Variants in DDX19B observed in about 807,000 individuals in gnomAD.
The protein encoded by DDX19B is ATP-dependent RNA helicase DDX19B.
Under a neutral mutation model 58.1 loss-of-function variants are expected in DDX19B, and 27 were observed. That is an observed-to-expected ratio of 0.46 (90% CI 0.34 to 0.64). The LOEUF is 0.64. Among genes scored for constraint, DDX19B ranks in the 30% least tolerant of loss-of-function variants. The pLI is 0.01. For missense variants in DDX19B, 399 were observed against 596.5 expected (o/e 0.67, Z 3.45); for synonymous variants, 187 against 214.4 (o/e 0.87, Z 1.12).
chr16:70,293,432 A>G (rs1411943119), upstream of DDX19B, among the ~76,000 whole-genome samples: 1 of 151,486 alleles, frequency 6.6e-6, no homozygotes, highest in African/African-American at 2.4e-5. Flanking sequence ...GAAAAAAAAA[A>G]GAAAGAAATG....
At chr16:70,290,206 C>T (rs1961024913), upstream of DDX19B, among the ~76,000 whole-genome samples, 1 of 151,966 alleles carries the variant, frequency 6.6e-6, no homozygotes, top group African/African-American at 2.4e-5. Context: ...AGTTGGAGAC[C>T]AGCCTGGTCA....
intron 5 of DDX19B, among the ~76,000 whole-genome samples, chr16:70,323,182 C>T (rs1380726965): frequency 6.6e-6 from 1 of 151,922 alleles, no homozygotes; most frequent in East Asian, 1.9e-4. Flanking sequence ...AGCCTGCAAC[C>T]TCCACCCTCC....
chr16:70,310,321 C>T (rs1962016550), intron 1 of DDX19B, among the ~76,000 whole-genome samples: 1 of 151,052 alleles, frequency 6.6e-6, no homozygotes, highest in Non-Finnish European at 1.5e-5. Context: ...GCGGAGGTTG[C>T]AGTGATCTGA....
chr16:70,309,750 G>A (rs757390404), intron 1 of DDX19B, among the ~76,000 whole-genome samples: 4 of 135,808 alleles, frequency 2.9e-5, no homozygotes, highest in East Asian at 4.5e-4. Flanking sequence ...CCCAGGAGGC[G>A]GAGGTTGCAG....
At chr16:70,291,611 C>T (rs1193042783), upstream of DDX19B, among the ~76,000 whole-genome samples, 1 of 151,628 alleles carries the variant, frequency 6.6e-6, no homozygotes, top group Non-Finnish European at 1.5e-5. Context: ...AGATTGAGAC[C>T]ATCCTGGCTA....
At chr16:70,331,007 C>T (rs2152214877) in intron 9 of DDX19B, among the ~76,000 whole-genome samples, 1 of 151,894 alleles carries the variant, frequency 6.6e-6, no homozygotes, top group East Asian at 1.9e-4. Flanking sequence ...ACTGTGCACT[C>T]CAGAGTGGGC....
chr16:70,312,493 A>T, intron 1 of DDX19B, 116 bp from the exon 2 acceptor site: 1 of 890,292 alleles, frequency 1.1e-6, no homozygotes, highest in South Asian at 1.5e-5. Flanking sequence ...GTCCTAATGA[A>T]TATACCTTGA....
chr16:70,292,927 GA>G (rs1961097196), upstream of DDX19B, among the ~76,000 whole-genome samples: 1 of 152,018 alleles, frequency 6.6e-6, no homozygotes, highest in Non-Finnish European at 1.5e-5. Flanking sequence ...TCAACCTGGT[GA>G]AACCCCATCT....
chr16:70,331,224 T>C (rs1272021765), intron 9 of DDX19B, among the ~76,000 whole-genome samples: 1 of 152,100 alleles, frequency 6.6e-6, no homozygotes, highest in Non-Finnish European at 1.5e-5. Flanking sequence ...TTTATTTTTA[T>C]TTTTGTAGAG....
At chr16:70,309,362 G>A (rs570164437) in intron 1 of DDX19B, among the ~76,000 whole-genome samples, 51 of 151,416 alleles carry the variant, frequency 3.4e-4, no homozygotes, top group African/African-American at 1.2e-3. Flanking sequence ...GGGCATGGTG[G>A]CAGGCGCCTG....
intron 1 of DDX19B, among the ~76,000 whole-genome samples, chr16:70,304,373 T>C (rs1220567755): frequency 7.5e-6 from 1 of 133,366 alleles, no homozygotes; most frequent in Non-Finnish European, 1.6e-5. Context: ...CAGAGATGTC[T>C]TTTTTTTTTT....
chr16:70,321,808 C>T (rs1269041106), intron 5 of DDX19B, among the ~76,000 whole-genome samples: 1 of 151,802 alleles, frequency 6.6e-6, no homozygotes, highest in Non-Finnish European at 1.5e-5. Context: ...CCGAGGCAGG[C>T]AGATCATTTG....
intron 5 of DDX19B, among the ~76,000 whole-genome samples, chr16:70,320,627 A>C (rs1185830293): frequency 2.0e-5 from 3 of 150,384 alleles, no homozygotes; most frequent in Non-Finnish European, 4.4e-5. Context: ...GGCTCACTGT[A>C]ACCACCACCT....
In DDX19B at chr16:70,317,496, G is replaced by A. The variant is rs1962496705; in HGVS notation, c.297G>A (p.Leu99=). ...CTTTCATCTTTAACTGTTTTTCTAG[G>A]AAACCACAGCTTCTCCAAGGAGTCT... ...YSVKSFEELR[L]KPQLLQGVYA... is the part of the protein sequence containing the mutation. Residue 99 remains leucine, a splice_region_variant and synonymous_variant, in exon 5 of 12, where the codon CTG becomes CTA. Transcript: ENST00000288071. The A allele has an allele frequency of 6.2e-7, 1 of 1,609,140 alleles. No homozygotes were observed. The highest frequency in any genetic ancestry group is 8.5e-7 in the Non-Finnish European group (1 of 1,177,794).
At chr16:70,312,738 A>G in intron 2 of DDX19B, 81 bp downstream of exon 2, 1 of 1,256,678 alleles carries the variant, frequency 8.0e-7, no homozygotes, top group Non-Finnish European at 1.1e-6. Context: ...GTCTGGAAAA[A>G]AATTTGTATT....
intron 1 of DDX19B, among the ~76,000 whole-genome samples, chr16:70,300,046 A>G (rs1239321028): frequency 6.6e-6 from 1 of 152,092 alleles, no homozygotes; most frequent in East Asian, 1.9e-4. Flanking sequence ...CTTTGAACCT[A>G]CTTCTGTTAG....
chr16:70,289,834 G>A, upstream of DDX19B: 1 of 393,668 alleles, frequency 2.5e-6, no homozygotes, highest in South Asian at 1.7e-5. Context: ...AATTGACATA[G>A]TTAAAAAGGG....
upstream of DDX19B, chr16:70,294,911 G>A: frequency 2.0e-6 from 3 of 1,524,578 alleles, no homozygotes; most frequent in Non-Finnish European, 2.6e-6. Flanking sequence ...CCCTGCCTGT[G>A]GGCGACGTGA....
chr16:70,292,568 T>C (rs1453595123), upstream of DDX19B, among the ~76,000 whole-genome samples: 1 of 152,248 alleles, frequency 6.6e-6, no homozygotes, highest in African/African-American at 2.4e-5. Context: ...GTCAACTACA[T>C]GCTAGAAAGA....
Sources: allele counts gnomAD v4.1 joint callset (sites outside exome capture counted in the v4.1 genomes callset), GRCh38; gene constraint gnomAD v4.1.1; transcripts MANE v1.5; gene names NCBI Gene and HGNC (gene_info 2026-07-23, HGNC 2026-07-21).